FAH: variants seen among roughly 807,000 people sequenced by gnomAD.
The protein encoded by FAH is fumarylacetoacetase.
A neutral mutation model predicts 55.8 loss-of-function variants in FAH; 47 were observed. The ratio of observed to expected loss-of-function variants is 0.84; its 90% CI spans 0.67 to 1.07. The LOEUF is 1.07. FAH is among the 50% of genes least tolerant of loss of function. FAH has a pLI of 0.00. For missense variants in FAH, 495 were observed against 545.9 expected (o/e 0.91, Z 0.93); for synonymous variants, 199 against 207.7 (o/e 0.96, Z 0.36).
intron 11 of FAH, 58 bp from the exon 12 acceptor site, chr15:80,180,066 C>T: frequency 1.4e-6 from 2 of 1,393,014 alleles, no homozygotes; most frequent in Admixed American, 1.7e-5. Flanking sequence ...CCAGCTGCCT[C>T]CGGGATGCTA....
chr15:80,175,763 T>C (rs766228958), intron 10 of FAH, among the ~76,000 whole-genome samples: 38 of 152,354 alleles, frequency 2.5e-4, no homozygotes, highest in Non-Finnish European at 4.4e-4. Context: ...AACCTGGCCA[T>C]GTCCTCATTT....
chr15:80,161,443 T>C (rs2041147964), intron 4 of FAH, among the ~76,000 whole-genome samples: 1 of 152,194 alleles, frequency 6.6e-6, no homozygotes, highest in Non-Finnish European at 1.5e-5. Flanking sequence ...CTGTTGGTAT[T>C]GATGAATATC....
chr15:80,172,041 C>A, intron 7 of FAH, 108 bp from the exon 8 acceptor site: 1 of 834,426 alleles, frequency 1.2e-6, no homozygotes, highest in South Asian at 1.3e-5. Flanking sequence ...CTGTGGCAGT[C>A]CTGGTCCATG....
intron 1 of FAH, chr15:80,157,759 A>G: frequency 2.2e-6 from 1 of 449,906 alleles, no homozygotes; most frequent in African/African-American, 2.0e-5. Context: ...GGAACTTTGC[A>G]GGGGTCTTTG....
intron 9 of FAH, 61 bp downstream of exon 9, chr15:80,173,205 C>T: frequency 6.2e-7 from 1 of 1,602,952 alleles, no homozygotes; most frequent in South Asian, 1.1e-5. Flanking sequence ...AGGCTGCTTG[C>T]CCACTGAGTG....
intron 3 of FAH, chr15:80,160,203 C>A: frequency 1.5e-6 from 1 of 665,710 alleles, no homozygotes; most frequent in African/African-American, 1.8e-5. Flanking sequence ...TGTCTAGTCC[C>A]ATTTCCTAGG....
intron 2 of FAH, 141 bp downstream of exon 2, chr15:80,158,311 G>C: frequency 1.3e-6 from 1 of 756,150 alleles, no homozygotes; most frequent in South Asian, 1.4e-5. Flanking sequence ...TAAGGCTGGG[G>C]TTGTTTTGAG....
intron 5 of FAH, 58 bp downstream of exon 5, chr15:80,162,394 G>C (rs752993613): frequency 6.8e-7 from 1 of 1,478,828 alleles, no homozygotes; most frequent in Non-Finnish European, 9.5e-7. Flanking sequence ...ATTTCCAGCA[G>C]CATATTTGTC....
At chr15:80,175,833 C>T (rs2041278865) in intron 10 of FAH, among the ~76,000 whole-genome samples, 1 of 152,082 alleles carries the variant, frequency 6.6e-6, no homozygotes, top group African/African-American at 2.4e-5. Flanking sequence ...GAGGACCAAA[C>T]ATGTCAATTC....
chr15:80,177,225 G>A (rs970790661), intron 10 of FAH, among the ~76,000 whole-genome samples: 23 of 152,138 alleles, frequency 1.5e-4, no homozygotes, highest in African/African-American at 5.6e-4. Flanking sequence ...TATCTTTAGT[G>A]GATTTGCGGG....
chr15:80,158,292 A>G (rs1181910205), intron 2 of FAH, 122 bp downstream of exon 2: 13 of 806,928 alleles, frequency 1.6e-5, no homozygotes, highest in Middle Eastern at 2.3e-4. Context: ...CTCAGAGGTT[A>G]TACTTGGATA....
chr15:80,153,052 A>G lies in FAH; in HGVS notation c.-3A>G. 3 of 1,613,182 alleles carry G rather than the reference A, an allele frequency of 1.9e-6. No homozygotes were observed. The highest frequency in any genetic ancestry group is 2.5e-6 in the Non-Finnish European group (3 of 1,179,862). On this transcript the variant is annotated 5_prime_UTR_variant, in exon 1 of 14. Coordinates refer to ENST00000561421, the MANE Select transcript of FAH (RefSeq NM_000137.4). ...CCCGCAGCCGTGCCGGGTGCTCTTC[A>G]GCATGTCCTTCATCCCGGTGGCCGA...
rs780170029 is a variant in FAH at position 80,180,108 on chromosome 15, C to T, written c.961-16C>T. On this transcript the variant is annotated splice_polypyrimidine_tract_variant and intron_variant, in intron 11 of 13. Transcript: ENST00000561421. ...GCCTGCCGCTGCTCATTCCACCTCGCGTCCATTGCCTGCAGTACATGTACT... is the reference window on the plus strand; with the variant it reads ...GCCTGCCGCTGCTCATTCCACCTCGTGTCCATTGCCTGCAGTACATGTACT... 1.3e-5 allele frequency: 21 copies of T among 1,600,538 alleles called. No individual in the cohort carries two copies. Among genetic ancestry groups the T allele is most frequent in the East Asian group, 2.2e-5 (1 of 44,834 alleles).
intron 1 of FAH, among the ~76,000 whole-genome samples, chr15:80,154,424 G>A (rs1000108983): frequency 4.6e-5 from 7 of 152,192 alleles, no homozygotes; most frequent in Admixed American, 2.0e-4. Context: ...ACCATGTCCC[G>A]CTGTTTCAAC....
chr15:80,154,437 C>A (rs2041080908), intron 1 of FAH, among the ~76,000 whole-genome samples: 1 of 152,236 alleles, frequency 6.6e-6, no homozygotes, highest in Non-Finnish European at 1.5e-5. Context: ...GTTTCAACAT[C>A]AGAATGTGCA....
intron 10 of FAH, among the ~76,000 whole-genome samples, chr15:80,175,552 C>T (rs115355852): frequency 1.0e-3 from 158 of 152,304 alleles, no homozygotes; most frequent in African/African-American, 3.4e-3. Context: ...CAGATTCCCA[C>T]CATGGGCCAG....
intron 11 of FAH, among the ~76,000 whole-genome samples, chr15:80,178,301 A>G (rs2866591): frequency 0.73 from 111,126 of 152,084 alleles, 40,735 homozygotes; most frequent in East Asian, 0.88. Context: ...TCAGAAATGG[A>G]AAATTTCCAG....
At chr15:80,169,804 A>G (rs2142099205) in intron 7 of FAH, among the ~76,000 whole-genome samples, 1 of 152,274 alleles carries the variant, frequency 6.6e-6, no homozygotes, top group Non-Finnish European at 1.5e-5. Flanking sequence ...AAGTGCTTGG[A>G]TTACAGGCAT....
downstream of FAH, chr15:80,186,468 T>C: frequency 1.9e-6 from 1 of 535,322 alleles, no homozygotes; most frequent in Non-Finnish European, 3.4e-6. Flanking sequence ...TCAGGGGTCT[T>C]TGTGGGATTT....
Sources: gnomAD v4.1 joint callset for allele counts (sites outside exome capture counted in the v4.1 genomes callset) on GRCh38, gnomAD v4.1.1 for gene constraint, MANE v1.5 for transcripts, NCBI Gene and HGNC (gene_info 2026-07-23, HGNC 2026-07-21) for gene names.